The following ZNF541 variants were observed in gnomAD, a reference collection of about 807,000 sequenced individuals.
ZNF541 encodes zinc finger protein 541.
Under a neutral mutation model 123.5 loss-of-function variants are expected in ZNF541, and 23 were observed. The observed-to-expected ratio is 0.19, with a 90% CI of 0.13 to 0.26. ZNF541 has a LOEUF of 0.26. ZNF541 is among the 10% of genes least tolerant of loss of function. The pLI, the probability that ZNF541 is intolerant of heterozygous loss-of-function variation, is 1.00. For synonymous variants in ZNF541, 751 were observed against 754.5 expected (o/e 1.00, Z 0.08); for missense variants, 1,612 against 1,789.9 (o/e 0.90, Z 1.79).
At chr19:47,538,606 G>C (rs1969937159) in intron 8 of ZNF541, 167 bp from the exon 9 acceptor site, 1 of 638,952 alleles carries the variant, frequency 1.6e-6, no homozygotes, top group Admixed American at 3.4e-5. Flanking sequence ...CTGACGTACT[G>C]AGCCTGGCGA....
intron 2 of ZNF541, among the ~76,000 whole-genome samples, chr19:47,559,024 G>A (rs939929588): frequency 1.3e-5 from 2 of 151,256 alleles, no homozygotes; most frequent in Non-Finnish European, 2.9e-5. Flanking sequence ...GATTACAGGC[G>A]TGACCCACCG....
In ZNF541 at chr19:47,535,654, G is replaced by A. The variant is rs74934787; in HGVS notation, c.3094+2488C>T. 3.1e-3 allele frequency among the ~76,000 whole-genome samples: 479 copies of A among 152,104 alleles called. 1 individual carries two copies. The highest frequency in any genetic ancestry group is 5.2e-3 in the Admixed American group (80 of 15,286). ...ACACAAAAACCTGTACATAAGGCTGGGTGTGGTGGCTCAGGCCTCTAATCC... is the reference window on the plus strand; with the variant it reads ...ACACAAAAACCTGTACATAAGGCTGAGTGTGGTGGCTCAGGCCTCTAATCC... On this transcript the variant is annotated intron_variant, in intron 9 of 16. Coordinates refer to ENST00000391901, the MANE Select transcript of ZNF541 (RefSeq NM_001277075.3).
At chr19:47,527,075 A>G (rs915041643) in intron 14 of ZNF541, among the ~76,000 whole-genome samples, 8 of 152,224 alleles carry the variant, frequency 5.3e-5, no homozygotes, top group Admixed American at 2.0e-4. Context: ...AGCTGGACCA[A>G]GTAGAGTCCA....
chr19:47,541,056 C>T (rs1970060626), intron 5 of ZNF541, 105 bp from the exon 6 acceptor site: 2 of 1,067,848 alleles, frequency 1.9e-6, no homozygotes, highest in Non-Finnish European at 2.7e-6. Context: ...TCTTCATGAC[C>T]TTGGATTAGA....
intron 14 of ZNF541, 117 bp from the exon 15 acceptor site, chr19:47,522,111 C>G: frequency 1.5e-6 from 2 of 1,347,912 alleles, no homozygotes; most frequent in Non-Finnish European, 2.0e-6. Flanking sequence ...CTTCCTTTGG[C>G]TTGGCGTTAC....
chr19:47,566,762 T>A (rs1168170408), intron 2 of ZNF541, among the ~76,000 whole-genome samples: 2 of 141,330 alleles, frequency 1.4e-5, no homozygotes, highest in Non-Finnish European at 3.1e-5. Context: ...AATAAATAAA[T>A]AAAATAAGGC....
intron 9 of ZNF541, among the ~76,000 whole-genome samples, chr19:47,535,685 C>T (rs1488652161): frequency 6.6e-6 from 1 of 151,692 alleles, no homozygotes; most frequent in African/African-American, 2.4e-5. Context: ...AATCCCAGCA[C>T]TTTGGAAGGC....
rs1365868184 is a variant in ZNF541 at position 47,527,572 on chromosome 19, T to A, written c.3570+1378A>T. Among the ~76,000 whole-genome samples the A allele has an allele frequency of 2.6e-5, 4 of 151,904 alleles. No individual in the cohort carries two copies. The East Asian group carries it at 7.7e-4, about 29-fold the overall frequency. ...CACCATGCTAGGCTAGTTTTTAACT[T>A]TTTTGTAGAGACAAGGTCTCACTAT... On this transcript the variant is annotated intron_variant, in intron 14 of 16. Transcript: ENST00000391901.
intron 14 of ZNF541, among the ~76,000 whole-genome samples, chr19:47,527,999 CTT>C (rs1022343366): frequency 1.4e-4 from 16 of 118,186 alleles, no homozygotes; most frequent in Non-Finnish European, 2.0e-4. Flanking sequence ...ACGCCAGGCC[CTT>C]TTTTTTTTTT....
At chr19:47,572,203 GAAGA>G (rs1290735507) in intron 1 of ZNF541, among the ~76,000 whole-genome samples, 161 bp from the exon 2 acceptor site, 3 of 152,164 alleles carry the variant, frequency 2.0e-5, no homozygotes, top group Non-Finnish European at 4.4e-5. Context: ...TTTTTGGTAA[GAAGA>G]AATAATTGTT....
intron 2 of ZNF541, among the ~76,000 whole-genome samples, chr19:47,567,136 C>T (rs920563421): frequency 6.6e-6 from 1 of 152,092 alleles, no homozygotes; most frequent in Non-Finnish European, 1.5e-5. Flanking sequence ...TCCAAAAGCA[C>T]TTTCTGTGCT....
intron 2 of ZNF541, among the ~76,000 whole-genome samples, chr19:47,559,339 T>C (rs939939832): frequency 1.3e-5 from 2 of 150,594 alleles, no homozygotes; most frequent in African/African-American, 2.4e-5. Flanking sequence ...GCCACTGCAC[T>C]CCAGCCTGGG....
intron 2 of ZNF541, among the ~76,000 whole-genome samples, chr19:47,558,397 C>A (rs1357231931): frequency 2.5e-4 from 38 of 151,544 alleles, no homozygotes; most frequent in Non-Finnish European, 7.4e-5. Context: ...GCCTGGGCAA[C>A]AGAGCGAGAC....
At chr19:47,551,834 G>A (rs1305631154) in intron 3 of ZNF541, among the ~76,000 whole-genome samples, 1 of 151,992 alleles carries the variant, frequency 6.6e-6, no homozygotes, top group Non-Finnish European at 1.5e-5. Context: ...CATAGCACCT[G>A]GCTTAAACTG....
chr19:47,556,827 G>C (rs553415752), intron 2 of ZNF541, among the ~76,000 whole-genome samples: 1 of 148,378 alleles, frequency 6.7e-6, no homozygotes, highest in Non-Finnish European at 1.5e-5. Context: ...GCGGGATCTC[G>C]GCTCACTGCA....
In ZNF541 at chr19:47,544,866, T is replaced by C; in HGVS notation, c.1663A>G (p.Met555Val). The C allele has an allele frequency of 6.5e-7, 1 of 1,536,162 alleles. No individual in the cohort carries two copies. The highest frequency in any genetic ancestry group is 8.7e-7 in the Non-Finnish European group (1 of 1,146,780). ...SQEPLVSHEQ[M>V]QVFQMITKSQ... ...TTGGTGATCATCTGGAACACCTGCA[T>C]CTGCTCGTGGCTCACAAGAGGTTCC... The change falls in exon 5 of 17, where the codon ATG becomes GTG. Residue 555 changes from methionine (M) to valine (V), a missense_variant. Met to Val is a conservative substitution (Grantham distance 21, BLOSUM62 1). Coordinates refer to ENST00000391901, the MANE Select transcript of ZNF541 (RefSeq NM_001277075.3).
intron 8 of ZNF541, 188 bp from the exon 9 acceptor site, chr19:47,538,627 G>A (rs1212482658): frequency 5.2e-6 from 3 of 575,078 alleles, no homozygotes; most frequent in Non-Finnish European, 8.9e-6. Context: ...TGATCCGGCT[G>A]CAGCCTTCTC....
rs1420421458 is a variant in ZNF541 at position 47,520,802 on chromosome 19, A to G, written c.*422T>C. On this transcript the variant is annotated 3_prime_UTR_variant, in exon 17 of 17. Transcript: ENST00000391901. ...ATCTGGAAGGTAGAGTCCCCGCCCCAGGGAGGGGCCCAGCGTGTTGGAGAT... is the reference window on the plus strand; with the variant it reads ...ATCTGGAAGGTAGAGTCCCCGCCCCGGGGAGGGGCCCAGCGTGTTGGAGAT... The G allele has an allele frequency of 3.6e-5, 6 of 166,730 alleles. No homozygotes were observed. The East Asian group carries it at 1.0e-3, about 28-fold the overall frequency. 10.3% of individuals were successfully genotyped at this position (166,730 alleles called of 1,614,324 possible).
rs62128691 is a variant in ZNF541 at position 47,527,311 on chromosome 19, A to G, written c.3570+1639T>C. 6.0e-3 allele frequency among the ~76,000 whole-genome samples: 918 copies of G among 152,282 alleles called. 7 individuals are homozygous for G. The highest frequency in any genetic ancestry group is 0.011 in the Non-Finnish European group (744 of 68,024). ...AACTTAGCAAATCTTATTATACTGC[A>G]ATTATGTGCAATTTTGTATACATCC... On this transcript the variant is annotated intron_variant, in intron 14 of 16. Transcript: ENST00000391901.
Sources: allele counts gnomAD v4.1 joint callset (sites outside exome capture counted in the v4.1 genomes callset), GRCh38; gene constraint gnomAD v4.1.1; transcripts MANE v1.5; gene names NCBI Gene and HGNC (gene_info 2026-07-23, HGNC 2026-07-21).